Variants in R3HDM1 observed in about 807,000 individuals in gnomAD.
R3HDM1 encodes R3H domain-containing protein 1.
A neutral mutation model predicts 141.1 loss-of-function variants in R3HDM1; 46 were observed. The observed-to-expected ratio is 0.33, with a 90% CI of 0.26 to 0.42. The LOEUF is 0.42. R3HDM1 is among the 10% of genes least tolerant of loss of function. The pLI is 1.00. For missense variants in R3HDM1, 1,184 were observed against 1,368.3 expected (o/e 0.87, Z 2.12); for synonymous variants, 435 against 472.9 (o/e 0.92, Z 1.04).
intron 1 of R3HDM1, among the ~76,000 whole-genome samples, chr2:135,540,460 C>T (rs1020074661): frequency 6.6e-6 from 1 of 152,246 alleles, no homozygotes; most frequent in Non-Finnish European, 1.5e-5. Context: ...AGGTGTTGCT[C>T]TGTTGCCCAG....
intron 1 of R3HDM1, among the ~76,000 whole-genome samples, chr2:135,571,913 A>C (rs1704200009): frequency 6.6e-6 from 1 of 152,174 alleles, no homozygotes; most frequent in South Asian, 2.1e-4. Flanking sequence ...GGTGTGAGCC[A>C]CTACATGTGG....
chr2:135,565,335 A>G (rs1702535266), intron 1 of R3HDM1, among the ~76,000 whole-genome samples: 1 of 146,474 alleles, frequency 6.8e-6, no homozygotes, highest in Non-Finnish European at 1.5e-5. Context: ...TATTATTATT[A>G]TTATTATTAT....
chr2:135,614,147 A>G lies in R3HDM1; in HGVS notation c.172-2005A>G, dbSNP rs370350401. Among the ~76,000 whole-genome samples, 48 of 152,326 alleles carry G rather than the reference A, an allele frequency of 3.2e-4. No individual in the cohort carries two copies. The South Asian group carries it at 8.3e-3, about 26-fold the overall frequency. On this transcript the variant is annotated intron_variant, in intron 3 of 26. Transcript: ENST00000683871. ...ATGTTTGTTAAATGAAGTCAAATTA[A>G]GATAATTTTACTTCTCTGTATCTTC...
intron 1 of R3HDM1, among the ~76,000 whole-genome samples, chr2:135,579,605 T>TGGGGGGGGGG (rs1706318336): frequency 8.2e-6 from 1 of 122,516 alleles, no homozygotes; most frequent in African/African-American, 3.2e-5. Flanking sequence ...CGGGGGGGGG[T>TGGGGGGGGGG]GGAAATGGCA....
At chr2:135,584,662 A>G (rs1386403763) in intron 1 of R3HDM1, among the ~76,000 whole-genome samples, 1 of 152,266 alleles carries the variant, frequency 6.6e-6, no homozygotes, top group Non-Finnish European at 1.5e-5. Context: ...TCTACTTGAC[A>G]GCAATAAAAC....
At chr2:135,722,271 A>G (rs112248602) in intron 25 of R3HDM1, among the ~76,000 whole-genome samples, 198 bp from the exon 26 acceptor site, 10 of 152,206 alleles carry the variant, frequency 6.6e-5, no homozygotes, top group African/African-American at 2.4e-4. Flanking sequence ...CTAATGAAGG[A>G]CCGTCAGCAA....
intron 1 of R3HDM1, among the ~76,000 whole-genome samples, chr2:135,553,684 TTTTGTTTG>T (rs559914868): frequency 6.6e-6 from 1 of 152,126 alleles, no homozygotes; most frequent in South Asian, 2.1e-4. Flanking sequence ...TGTATGTGTT[TTTTGTTTG>T]TTTGTTTGTT....
At chr2:135,586,106 CCTGGGATCAGGCATT>C (rs1707852988) in intron 1 of R3HDM1, 1 of 152,082 alleles carries the variant, frequency 6.6e-6, no homozygotes, top group South Asian at 2.1e-4. Flanking sequence ...TTTTCTTCAA[CCTGGGATCAGGCATT>C]GTTGTGCAAC....
intron 1 of R3HDM1, among the ~76,000 whole-genome samples, chr2:135,562,613 T>C (rs1182827647): frequency 6.6e-6 from 1 of 152,194 alleles, no homozygotes; most frequent in African/African-American, 2.4e-5. Flanking sequence ...TCTTATCTCC[T>C]TAATTGAATA....
At chr2:135,557,236 T>C (rs1243450832) in intron 1 of R3HDM1, among the ~76,000 whole-genome samples, 1 of 152,220 alleles carries the variant, frequency 6.6e-6, no homozygotes, top group Admixed American at 6.5e-5. Flanking sequence ...GTTGTTAGTT[T>C]ATTGCTCTTT....
chr2:135,533,374 T>C (rs1000901230), intron 1 of R3HDM1, among the ~76,000 whole-genome samples: 2 of 152,242 alleles, frequency 1.3e-5, no homozygotes, highest in African/African-American at 4.8e-5. Context: ...CAGCATAGTA[T>C]TTTCCAGAAC....
At chr2:135,616,041 C>G (rs1395972224) in intron 3 of R3HDM1, 111 bp from the exon 4 acceptor site, 1 of 1,026,552 alleles carries the variant, frequency 9.7e-7, no homozygotes, top group Non-Finnish European at 1.4e-6. Flanking sequence ...GATTTCCTCA[C>G]TTTTCATACT....
At chr2:135,641,829 AAAT>A in intron 15 of R3HDM1, 39 bp downstream of exon 15, 1 of 1,532,442 alleles carries the variant, frequency 6.5e-7, no homozygotes, top group Non-Finnish European at 8.8e-7. Flanking sequence ...AATTATCTGA[AAAT>A]TTAAGGATAC....
rs780636613 is a variant in R3HDM1 at position 135,724,255 on chromosome 2, A to G, written c.3368A>G (p.Tyr1123Cys). ...AAGCTGAGAACAAGCAAGAAGCACTATGACTTTCACATTTTGGAAAGGGCA... is the reference window on the plus strand; with the variant it reads ...AAGCTGAGAACAAGCAAGAAGCACTGTGACTTTCACATTTTGGAAAGGGCA... ...KFKLRTSKKH[Y>C]DFHILERASS... Residue 1123 changes from tyrosine to cysteine, a missense_variant, in exon 27 of 27, where the codon TAT becomes TGT. By Grantham distance (194) the Tyr-to-Cys change is radical. This residue lies in a region of R3HDM1 where 182 missense variants were observed against 252.6 expected (regional missense o/e 0.72). Coordinates refer to ENST00000683871, the MANE Select transcript of R3HDM1 (RefSeq NM_001378107.1). The G allele has an allele frequency of 3.1e-6, 5 of 1,613,638 alleles. No individual in the cohort carries two copies. Among genetic ancestry groups the G allele is most frequent in the South Asian group, 2.2e-5 (2 of 91,044 alleles).
chr2:135,677,332 TCTC>T (rs2069368421), intron 20 of R3HDM1, among the ~76,000 whole-genome samples: 1 of 152,116 alleles, frequency 6.6e-6, no homozygotes, highest in African/African-American at 2.4e-5. Context: ...TCTGACCCCT[TCTC>T]CTCCATCCTT....
chr2:135,584,220 C>G (rs1407211818), intron 1 of R3HDM1: 1 of 509,072 alleles, frequency 2.0e-6, no homozygotes, highest in Non-Finnish European at 2.5e-6. Context: ...CCCAGCTACT[C>G]GGGAGGCTGA....
At chr2:135,667,877 C>A in intron 19 of R3HDM1, 1 of 549,398 alleles carries the variant, frequency 1.8e-6, no homozygotes, top group Non-Finnish European at 2.3e-6. Flanking sequence ...ACCTAACCTA[C>A]AATGCCACTT....
intron 11 of R3HDM1, 79 bp from the exon 12 acceptor site, chr2:135,638,536 TTTG>T: frequency 7.4e-7 from 1 of 1,352,418 alleles, no homozygotes; most frequent in Non-Finnish European, 1.0e-6. Context: ...ACACATGATT[TTTG>T]TTGTCATCAT....
intron 1 of R3HDM1, among the ~76,000 whole-genome samples, chr2:135,600,625 G>T (rs561065922): frequency 6.6e-6 from 1 of 152,136 alleles, no homozygotes; most frequent in Admixed American, 6.6e-5. Flanking sequence ...TTAAATTATC[G>T]TCTAATGCTA....
Sources: gnomAD v4.1 joint callset for allele counts (sites outside exome capture counted in the v4.1 genomes callset) on GRCh38, gnomAD v4.1.1 for gene constraint, gnomAD v4.1.1 regional missense constraint, MANE v1.5 for transcripts, NCBI Gene and HGNC (gene_info 2026-07-23, HGNC 2026-07-21) for gene names.